Variants in CFDP1 observed in about 807,000 individuals in gnomAD.
CFDP1 encodes the protein chromatin remodeling protein CFDP1.
CFDP1 carries 31 observed loss-of-function variants against 40.1 expected under a neutral mutation model. The observed-to-expected ratio is 0.77, with a 90% CI of 0.58 to 1.04. CFDP1 has a LOEUF of 1.04. Among genes scored for constraint, CFDP1 ranks in the 50% least tolerant of loss-of-function variants. The pLI is 0.00. For missense variants in CFDP1, 423 were observed against 343.4 expected, an observed-to-expected ratio of 1.23 and a Z score of -1.83; for synonymous variants, 167 against 120.0, an observed-to-expected ratio of 1.39 and a Z score of -2.56.
chr16:75,423,649 G>A (rs1354959630), intron 1 of CFDP1, among the ~76,000 whole-genome samples: 1 of 152,000 alleles, frequency 6.6e-6, no homozygotes, highest in Non-Finnish European at 1.5e-5. Context: ...CGAGCAGCTG[G>A]GACTACAGGC....
chr16:75,297,753 C>T (rs1275165313), intron 6 of CFDP1, among the ~76,000 whole-genome samples: 12 of 152,178 alleles, frequency 7.9e-5, no homozygotes, highest in Admixed American at 7.9e-4. Flanking sequence ...TCTAGTTTTT[C>T]CTTTTAGAAC....
At chr16:75,384,301 G>A (rs2078874781) in intron 5 of CFDP1, among the ~76,000 whole-genome samples, 1 of 152,006 alleles carries the variant, frequency 6.6e-6, no homozygotes, top group Admixed American at 6.6e-5. Flanking sequence ...AGGTTGCAGT[G>A]AGCCGAGCGA....
At chr16:75,326,088 G>C (rs1268568927) in intron 5 of CFDP1, among the ~76,000 whole-genome samples, 1 of 152,122 alleles carries the variant, frequency 6.6e-6, no homozygotes, top group Non-Finnish European at 1.5e-5. Context: ...TTGTTTTTTG[G>C]TCCATGAAAA....
In CFDP1 at chr16:75,422,700, G is replaced by C. The variant is rs979468608; in HGVS notation, c.65-8005C>G. ...CAGAGCCACCACATCCAGCCTCTTAGAGAGTCTTAAAACTGTGATCAAAAA... is the reference window on the plus strand; with the variant it reads ...CAGAGCCACCACATCCAGCCTCTTACAGAGTCTTAAAACTGTGATCAAAAA... On this transcript the variant is annotated intron_variant, in intron 1 of 6. Coordinates refer to ENST00000283882, the MANE Select transcript of CFDP1 (RefSeq NM_006324.3). 6.0e-5 allele frequency among the ~76,000 whole-genome samples: 9 copies of C among 151,102 alleles called. No individual in the cohort carries two copies. In the East Asian group the frequency reaches 1.2e-3, roughly 19 times the overall value.
chr16:75,430,758 G>C (rs908088797), intron 1 of CFDP1, among the ~76,000 whole-genome samples: 3 of 152,090 alleles, frequency 2.0e-5, no homozygotes, highest in Non-Finnish European at 4.4e-5. Context: ...GCCACTGCTC[G>C]GCTGAGAACA....
At chr16:75,367,353 G>T (rs905256373) in intron 5 of CFDP1, among the ~76,000 whole-genome samples, 1 of 150,054 alleles carries the variant, frequency 6.7e-6, no homozygotes, top group African/African-American at 2.5e-5. Flanking sequence ...TGGATGGGTT[G>T]ACAGGTGCAG....
intron 5 of CFDP1, among the ~76,000 whole-genome samples, chr16:75,315,521 AT>A (rs2078318817): frequency 6.6e-6 from 1 of 152,002 alleles, no homozygotes; most frequent in Admixed American, 6.6e-5. Context: ...GAATTCCAGT[AT>A]GGTCTGGTGA....
chr16:75,384,352 C>T (rs906260230), intron 5 of CFDP1, among the ~76,000 whole-genome samples: 4 of 151,992 alleles, frequency 2.6e-5, no homozygotes, highest in African/African-American at 9.7e-5. Context: ...CAGAGTGAGA[C>T]TCCATCTCAA....
intron 4 of CFDP1, among the ~76,000 whole-genome samples, chr16:75,409,683 T>A (rs971777018): frequency 6.6e-6 from 1 of 152,062 alleles, no homozygotes; most frequent in Admixed American, 6.6e-5. Flanking sequence ...GCTAAAGTAT[T>A]AAAGGCTGAT....
At chr16:75,400,805 T>C (rs941585071) in intron 4 of CFDP1, among the ~76,000 whole-genome samples, 2 of 152,200 alleles carry the variant, frequency 1.3e-5, no homozygotes, top group African/African-American at 2.4e-5. Flanking sequence ...TAAGAAATAA[T>C]GTACTGTATT....
At chr16:75,306,717 C>T (rs1038770761) in intron 5 of CFDP1, among the ~76,000 whole-genome samples, 1 of 152,174 alleles carries the variant, frequency 6.6e-6, no homozygotes, top group Non-Finnish European at 1.5e-5. Flanking sequence ...GCTATCTCGC[C>T]TCCAGATGAG....
At chr16:75,368,041 T>C (rs1323571914) in intron 5 of CFDP1, among the ~76,000 whole-genome samples, 1 of 152,042 alleles carries the variant, frequency 6.6e-6, no homozygotes, top group East Asian at 1.9e-4. Context: ...GAGGCAGAGG[T>C]TGCGGTGAGC....
Position 75,349,686 on chromosome 16 carries a change from A to ATATATATATATATATATATAT in CFDP1, c.651-44505_651-44504insATATATATATATATATATATA, listed in dbSNP as rs56373574. Among the ~76,000 whole-genome samples, 23 of 8,896 alleles carry ATATATATATATATATATATAT rather than the reference A, an allele frequency of 2.6e-3. 1 individual carries two copies. The highest frequency in any genetic ancestry group is 4.3e-3 in the Non-Finnish European group (20 of 4,680). 5.8% of individuals were successfully genotyped at this position (8,896 alleles called of 152,430 possible). ...AAAAAAAAAAAAAAAAAAAAAAAAAAAAAAATATATATACATACATATATA... is the reference window on the plus strand; with the variant it reads ...AAAAAAAAAAAAAAAAAAAAAAAAAATATATATATATATATATATATAAAAATATATATACATACATATATA... On this transcript the variant is annotated intron_variant, in intron 5 of 6. Transcript: ENST00000283882.
At chr16:75,372,333 T>C (rs137876491) in intron 5 of CFDP1, 1 of 152,184 alleles carries the variant, frequency 6.6e-6, no homozygotes, top group Non-Finnish European at 1.5e-5. Flanking sequence ...TATCTGTTCA[T>C]GAATAACTCA....
chr16:75,329,440 A>G (rs963253959), intron 5 of CFDP1, among the ~76,000 whole-genome samples: 2 of 148,268 alleles, frequency 1.3e-5, no homozygotes, highest in African/African-American at 5.0e-5. Context: ...CTTTGATGTT[A>G]AAAAAAAAAT....
chr16:75,349,601 T>C lies in CFDP1; in HGVS notation c.651-44419A>G, dbSNP rs1249383728. Among the ~76,000 whole-genome samples, 9 of 136,250 alleles carry C rather than the reference T, an allele frequency of 6.6e-5. No individual in the cohort carries two copies. The South Asian group carries it at 2.1e-3, about 32-fold the overall frequency. The allele number at this position is 136,250 out of a possible 152,430, so 89.4% of individuals were successfully genotyped here. A position where few individuals can be genotyped will look rare whatever the true frequency, so the allele number is the denominator to read the frequency against. ...CCCAGGTTGAGAATGCAGTGAGCTG[T>C]GTTTGTGCTGCTGTACCCCAGCCTG... On this transcript the variant is annotated intron_variant, in intron 5 of 6. Transcript: ENST00000283882.
chr16:75,404,872 C>T (rs12443904), intron 4 of CFDP1, among the ~76,000 whole-genome samples: 75,040 of 151,902 alleles, frequency 0.49, 20,027 homozygotes, highest in Admixed American at 0.63. Context: ...CATAGCACAA[C>T]GGATAGCGCG....
At chr16:75,403,670 T>A (rs1259594420) in intron 4 of CFDP1, among the ~76,000 whole-genome samples, 1 of 152,210 alleles carries the variant, frequency 6.6e-6, no homozygotes, top group Admixed American at 6.5e-5. Context: ...TTTAAACCTA[T>A]ATTCCTAACG....
intron 5 of CFDP1, among the ~76,000 whole-genome samples, chr16:75,385,352 A>T (rs2078887508): frequency 6.6e-6 from 1 of 152,186 alleles, no homozygotes; most frequent in Admixed American, 6.5e-5. Flanking sequence ...ACAATTGGAA[A>T]GGCAGAAAGG....
Sources: gnomAD v4.1 joint callset for allele counts (sites outside exome capture counted in the v4.1 genomes callset) on GRCh38, gnomAD v4.1.1 for gene constraint, MANE v1.5 for transcripts, NCBI Gene and HGNC (gene_info 2026-07-23, HGNC 2026-07-21) for gene names.